ARHGAP32: variants seen among roughly 807,000 people sequenced by gnomAD.
ARHGAP32 encodes the protein Rho GTPase activating protein 32, also known as rho GTPase-activating protein 32.
A neutral mutation model predicts 186.5 loss-of-function variants in ARHGAP32; 51 were observed. That is an observed-to-expected ratio of 0.27 (90% confidence interval 0.22 to 0.35). The LOEUF (loss-of-function observed/expected upper bound fraction) is 0.35. ARHGAP32 is among the 10% of genes least tolerant of loss of function. ARHGAP32 has a pLI of 1.00. For synonymous variants in ARHGAP32, 950 were observed against 964.3 expected, an observed-to-expected ratio of 0.99 and a Z score of 0.27; for missense variants, 2,186 against 2,623.5, an observed-to-expected ratio of 0.83 and a Z score of 3.64.
intron 1 of ARHGAP32, among the ~76,000 whole-genome samples, chr11:129,273,675 C>T (rs1230146708): frequency 2.0e-5 from 3 of 152,182 alleles, no homozygotes; most frequent in Non-Finnish European, 4.4e-5. Context: ...CCTTCAACCA[C>T]CTATATTTCT....
intron 18 of ARHGAP32, among the ~76,000 whole-genome samples, chr11:128,980,230 TA>T (rs1945669247): frequency 6.6e-6 from 1 of 152,246 alleles, no homozygotes; most frequent in South Asian, 2.1e-4. Context: ...AGCTTATTTC[TA>T]AACAACTTTA....
intron 1 of ARHGAP32, among the ~76,000 whole-genome samples, chr11:129,259,435 G>A (rs1413685411): frequency 1.3e-5 from 2 of 151,990 alleles, no homozygotes; most frequent in East Asian, 1.9e-4. Context: ...AGAAAAAAAA[G>A]AGTACTGCAA....
chr11:129,180,086 A>T (rs1452942422), intron 1 of ARHGAP32, among the ~76,000 whole-genome samples: 1 of 152,176 alleles, frequency 6.6e-6, no homozygotes, highest in South Asian at 2.1e-4. Flanking sequence ...ATATTAAAAA[A>T]ATCGTGTATT....
intron 10 of ARHGAP32, among the ~76,000 whole-genome samples, chr11:129,046,516 T>C (rs1357318777): frequency 6.6e-6 from 1 of 152,122 alleles, no homozygotes; most frequent in African/African-American, 2.4e-5. Flanking sequence ...CCTCTGACTC[T>C]AGGAGAACCA....
intron 1 of ARHGAP32, among the ~76,000 whole-genome samples, chr11:129,273,794 AT>A (rs1271548031): frequency 6.6e-6 from 1 of 152,134 alleles, no homozygotes; most frequent in African/African-American, 2.4e-5. Context: ...CCAAATAAGG[AT>A]TTTACTATTT....
intron 1 of ARHGAP32, among the ~76,000 whole-genome samples, chr11:129,276,057 G>A (rs771065273): frequency 1.3e-5 from 2 of 152,224 alleles, no homozygotes; most frequent in Admixed American, 6.5e-5. Flanking sequence ...CAGGAAGATC[G>A]CTTCAGCCCA....
At chr11:129,131,904 G>A (rs1942818696) in intron 2 of ARHGAP32, among the ~76,000 whole-genome samples, 1 of 152,098 alleles carries the variant, frequency 6.6e-6, no homozygotes, top group South Asian at 2.1e-4. Flanking sequence ...GCCCAAATCA[G>A]GAAAAATAGT....
At chr11:129,108,113 C>T (rs1015550002) in intron 5 of ARHGAP32, among the ~76,000 whole-genome samples, 3 of 151,898 alleles carry the variant, frequency 2.0e-5, no homozygotes, top group African/African-American at 7.3e-5. Context: ...TAAGACATAT[C>T]GAAAACAAAC....
chr11:129,206,109 T>A (rs1348276904), intron 1 of ARHGAP32, among the ~76,000 whole-genome samples: 5 of 152,194 alleles, frequency 3.3e-5, no homozygotes, highest in Non-Finnish European at 7.3e-5. Flanking sequence ...AAATATAGTA[T>A]TTTTAAATAA....
intron 6 of ARHGAP32, among the ~76,000 whole-genome samples, chr11:129,068,333 T>C (rs1488125979): frequency 6.6e-6 from 1 of 152,122 alleles, no homozygotes. Context: ...CATGATTCTG[T>C]AAGTGCTGTT....
chr11:129,136,645 T>C (rs930583357), intron 2 of ARHGAP32, among the ~76,000 whole-genome samples: 5 of 152,082 alleles, frequency 3.3e-5, no homozygotes, highest in Non-Finnish European at 7.4e-5. Flanking sequence ...GTTAAAAACA[T>C]ACATCATAAG....
At chr11:129,064,148 A>AAACTACC in intron 8 of ARHGAP32, 124 bp from the exon 9 acceptor site, 4 of 916,980 alleles carry the variant, frequency 4.4e-6, no homozygotes, top group Non-Finnish European at 6.2e-6. Flanking sequence ...TAAAAAAAAA[A>AAACTACC]ACTACCATTT....
chr11:129,051,388 G>A (rs1940035710), intron 10 of ARHGAP32, among the ~76,000 whole-genome samples: 1 of 152,288 alleles, frequency 6.6e-6, no homozygotes, highest in East Asian at 1.9e-4. Flanking sequence ...TTTCTCTAAT[G>A]ACCAGTGATG....
Position 128,965,401 on chromosome 11 carries a change from A to C in ARHGAP32, c.*3506T>G, listed in dbSNP as rs1296152886. 1 of 152,206 alleles carries C rather than the reference A, an allele frequency of 6.6e-6. No individual in the cohort carries two copies. Among genetic ancestry groups the C allele is most frequent in the Non-Finnish European group, 1.5e-5 (1 of 68,040 alleles). The allele number at this position is 152,206 out of a possible 1,614,324, so 9.4% of individuals were successfully genotyped here. On this transcript the variant is annotated 3_prime_UTR_variant, in exon 23 of 23. Coordinates refer to ENST00000682385, the MANE Select transcript of ARHGAP32 (RefSeq NM_001378024.1). ...AAACACTATATAAATTAAAATTAAA[A>C]ACTCAAAAGTATGATCTAAGACTTC...
chr11:129,079,300 A>T (rs1941149863), intron 6 of ARHGAP32, among the ~76,000 whole-genome samples: 1 of 152,190 alleles, frequency 6.6e-6, no homozygotes, highest in Admixed American at 6.5e-5. Flanking sequence ...ACCTAGGCCC[A>T]TAGTCATCAG....
At chr11:129,097,879 T>C (rs1355931719) in intron 5 of ARHGAP32, among the ~76,000 whole-genome samples, 3 of 152,020 alleles carry the variant, frequency 2.0e-5, no homozygotes, top group African/African-American at 7.2e-5. Context: ...GATAATCAAA[T>C]GTTCAAAATA....
chr11:129,098,425 C>CTT (rs530331028), intron 5 of ARHGAP32, among the ~76,000 whole-genome samples: 1 of 145,680 alleles, frequency 6.9e-6, no homozygotes. Flanking sequence ...TTTCTTTTTT[C>CTT]TTTTTTTTTT....
At chr11:129,073,390 T>C (rs1245545032) in intron 6 of ARHGAP32, among the ~76,000 whole-genome samples, 2 of 151,930 alleles carry the variant, frequency 1.3e-5, no homozygotes, top group Non-Finnish European at 2.9e-5. Flanking sequence ...AGCAGAGAAT[T>C]GGAAATTATA....
intron 5 of ARHGAP32, among the ~76,000 whole-genome samples, chr11:129,106,669 G>A (rs993247038): frequency 1.3e-5 from 2 of 152,016 alleles, no homozygotes; most frequent in Admixed American, 6.6e-5. Flanking sequence ...TGTACTCCCT[G>A]AATCTAATAT....
Sources: allele counts gnomAD v4.1 joint callset (sites outside exome capture counted in the v4.1 genomes callset), GRCh38; gene constraint gnomAD v4.1.1; transcripts MANE v1.5; gene names NCBI Gene and HGNC (gene_info 2026-07-23, HGNC 2026-07-21).